The following GSAP variants were observed in gnomAD, a reference collection of about 807,000 sequenced individuals.
GSAP encodes gamma-secretase-activating protein.
In GSAP, 118 loss-of-function variants were observed where a neutral mutation model predicts 131.7. That is an observed-to-expected ratio of 0.90 (90% CI 0.77 to 1.04). GSAP has a LOEUF of 1.04. Among genes scored for constraint, GSAP ranks in the 50% least tolerant of loss-of-function variants. The pLI is 0.00. For missense variants in GSAP, 1,019 were observed against 1,013.2 expected (o/e 1.01, Z -0.08); for synonymous variants, 381 against 363.4 (o/e 1.05, Z -0.55).
chr7:77,319,359 ATC>A (rs1787306610), intron 26 of GSAP, among the ~76,000 whole-genome samples: 1 of 152,202 alleles, frequency 6.6e-6, no homozygotes, highest in Non-Finnish European at 1.5e-5. Context: ...ATCACCTCAC[ATC>A]TCTCAGGTTG....
chr7:77,346,758 A>G (rs775292427), intron 19 of GSAP, among the ~76,000 whole-genome samples: 8 of 151,916 alleles, frequency 5.3e-5, no homozygotes, highest in Non-Finnish European at 1.0e-4. Context: ...GGTGTTTTGT[A>G]TGTATTAATT....
At chr7:77,364,464 C>T (rs1238967571) in intron 12 of GSAP, among the ~76,000 whole-genome samples, 1 of 136,394 alleles carries the variant, frequency 7.3e-6, no homozygotes, top group Non-Finnish European at 1.5e-5. Context: ...TAGGTGGAAA[C>T]TGAACAATGA....
In GSAP at chr7:77,387,651, G is replaced by A. The variant is rs543669089; in HGVS notation, c.368-203C>T. Among the ~76,000 whole-genome samples the A allele has an allele frequency of 2.2e-4, 34 of 152,182 alleles. 1 individual carries two copies. The South Asian group carries it at 6.9e-3, about 31-fold the overall frequency. ...AGTTCTACTCTCTAGGATGTGTAGCGGCTCCAGGACCCCAAAAGAGCAATC... is the reference window on the plus strand; with the variant it reads ...AGTTCTACTCTCTAGGATGTGTAGCAGCTCCAGGACCCCAAAAGAGCAATC... On this transcript the variant is annotated intron_variant, in intron 5 of 30. Coordinates refer to ENST00000257626, the MANE Select transcript of GSAP (RefSeq NM_017439.4).
chr7:77,373,944 A>T, intron 12 of GSAP, 126 bp downstream of exon 12: 1 of 669,796 alleles, frequency 1.5e-6, no homozygotes, highest in Non-Finnish European at 2.7e-6. Flanking sequence ...ATGACAATCC[A>T]TATGATCACC....
intron 6 of GSAP, 84 bp downstream of exon 6, chr7:77,387,276 T>G: frequency 1.3e-6 from 1 of 750,054 alleles, no homozygotes; most frequent in Non-Finnish European, 2.4e-6. Flanking sequence ...TATGATAGAG[T>G]GAAAGTACTT....
chr7:77,330,119 A>C (rs1788877254), intron 20 of GSAP, 120 bp downstream of exon 20: 1 of 1,167,112 alleles, frequency 8.6e-7, no homozygotes, highest in African/African-American at 1.6e-5. Flanking sequence ...ACAATGATCA[A>C]GTCCCTGGCA....
intron 1 of GSAP, among the ~76,000 whole-genome samples, chr7:77,409,987 G>A (rs1466110196): frequency 6.6e-6 from 1 of 152,072 alleles, no homozygotes; most frequent in Non-Finnish European, 1.5e-5. Flanking sequence ...TGATTTTATT[G>A]AGCTGGTGTG....
chr7:77,378,681 G>A (rs1396698332), intron 8 of GSAP, among the ~76,000 whole-genome samples: 1 of 152,170 alleles, frequency 6.6e-6, no homozygotes, highest in Non-Finnish European at 1.5e-5. Context: ...GAGGTCCTGA[G>A]CAGTTAGATT....
chr7:77,413,242 C>T (rs759357244), intron 1 of GSAP, among the ~76,000 whole-genome samples: 1 of 152,152 alleles, frequency 6.6e-6, no homozygotes, highest in Non-Finnish European at 1.5e-5. Context: ...ACCTTGGGTC[C>T]CTCAAAGAGG....
chr7:77,387,273 G>C, intron 6 of GSAP, 87 bp downstream of exon 6: 1 of 733,704 alleles, frequency 1.4e-6, no homozygotes, highest in South Asian at 1.6e-5. Context: ...AAATATGATA[G>C]AGTGAAAGTA....
At chr7:77,389,241 T>C (rs949303393) in intron 5 of GSAP, among the ~76,000 whole-genome samples, 2 of 151,738 alleles carry the variant, frequency 1.3e-5, no homozygotes, top group Non-Finnish European at 1.5e-5. Context: ...TGTATGTATG[T>C]GTGTGTGTAT....
intron 14 of GSAP, among the ~76,000 whole-genome samples, chr7:77,357,896 A>T (rs1362776281): frequency 6.6e-6 from 1 of 152,196 alleles, no homozygotes; most frequent in East Asian, 1.9e-4. Context: ...AGTTTGCCAT[A>T]ATTTGTTACA....
intron 14 of GSAP, among the ~76,000 whole-genome samples, chr7:77,359,585 G>A (rs867285927): frequency 6.6e-6 from 1 of 152,128 alleles, no homozygotes; most frequent in South Asian, 2.1e-4. Context: ...AAAATTACCT[G>A]TACAGCAGTT....
At chr7:77,383,934 T>C (rs1479334919) in intron 6 of GSAP, among the ~76,000 whole-genome samples, 1 of 152,258 alleles carries the variant, frequency 6.6e-6, no homozygotes, top group Non-Finnish European at 1.5e-5. Flanking sequence ...TTTTGGAACA[T>C]TTATAGTTGA....
Position 77,370,534 on chromosome 7 carries a change from G to A in GSAP, c.871+3536C>T, listed in dbSNP as rs553462319. The stretch of plus-strand genomic sequence containing the variant: ...ACCCTGCTCCCTCCATGTGAGCTCC[G>A]GATCCCATCCCACCTTCTAAGCAAA... On this transcript the variant is annotated intron_variant, in intron 12 of 30. Transcript: ENST00000257626. 5.3e-5 allele frequency among the ~76,000 whole-genome samples: 8 copies of A among 152,162 alleles called. No homozygotes were observed. The East Asian group carries it at 1.5e-3, about 29-fold the overall frequency.
intron 13 of GSAP, among the ~76,000 whole-genome samples, chr7:77,361,673 C>T (rs1794538145): frequency 6.6e-6 from 1 of 152,092 alleles, no homozygotes; most frequent in Non-Finnish European, 1.5e-5. Context: ...AATTTAAATA[C>T]ACCCATAGTA....
At chr7:77,335,696 T>C (rs1299135948) in intron 19 of GSAP, among the ~76,000 whole-genome samples, 1 of 152,120 alleles carries the variant, frequency 6.6e-6, no homozygotes, top group Non-Finnish European at 1.5e-5. Flanking sequence ...AAAAAAAATC[T>C]GCCTTTCATT....
intron 19 of GSAP, among the ~76,000 whole-genome samples, chr7:77,346,289 A>AAAAAAAG (rs1791848386): frequency 6.7e-6 from 1 of 149,828 alleles, no homozygotes; most frequent in Admixed American, 6.6e-5. Flanking sequence ...AAAAAAAAAA[A>AAAAAAAG]AGAAAGAAAG....
At position 77,397,356 on chromosome 7, in the gene GSAP, CCTTT is replaced by C; in HGVS notation, c.299_302del (p.Glu100GlyfsTer8). On this transcript the variant is annotated frameshift_variant, in exon 4 of 31. Transcript: ENST00000257626. LOFTEE classifies it high-confidence loss of function. The stretch of plus-strand genomic sequence containing the variant: ...AAGAGCTCAACTTACCAAGCAAAGT[CCTTT>C]CACTGTTGACAGAGCAACTGAAAAC... 1 of 1,601,000 alleles carries C rather than the reference CCTTT, an allele frequency of 6.2e-7. No individual in the cohort carries two copies. Among genetic ancestry groups the C allele is most frequent in the Non-Finnish European group, 8.5e-7 (1 of 1,169,750 alleles).
Sources: allele counts gnomAD v4.1 joint callset (sites outside exome capture counted in the v4.1 genomes callset), GRCh38; gene constraint gnomAD v4.1.1; transcripts MANE v1.5; gene names NCBI Gene and HGNC (gene_info 2026-07-23, HGNC 2026-07-21).